Variants in PIWIL1 observed in about 807,000 individuals in gnomAD.
The protein encoded by PIWIL1 is piwi-like protein 1.
PIWIL1 carries 73 observed loss-of-function variants against 114.4 expected under a neutral mutation model. The observed-to-expected ratio is 0.64, with a 90% CI of 0.53 to 0.78. PIWIL1 has a LOEUF of 0.78. PIWIL1 is among the 30% of genes least tolerant of loss of function. PIWIL1 has a pLI of 0.00. For synonymous variants in PIWIL1, 375 were observed against 369.0 expected, an observed-to-expected ratio of 1.02 and a Z score of -0.19; for missense variants, 723 against 1,063.1, an observed-to-expected ratio of 0.68 and a Z score of 4.45.
At chr12:130,370,244 G>A (rs1490498260) in intron 19 of PIWIL1, among the ~76,000 whole-genome samples, 16 of 143,674 alleles carry the variant, frequency 1.1e-4, no homozygotes, top group African/African-American at 1.0e-4. Context: ...CCAAGAAAAT[G>A]AAAAAAAAAA....
chr12:130,362,234 A>AC (rs1403877976), intron 16 of PIWIL1, among the ~76,000 whole-genome samples: 2 of 151,656 alleles, frequency 1.3e-5, no homozygotes, highest in African/African-American at 4.8e-5. Context: ...CCCACCTTCC[A>AC]CCCCCAAGTA....
Position 130,342,615 on chromosome 12 carries a change from A to G in PIWIL1, c.24A>G (p.Arg8=). MTGRARA[R]ARGRARGQET... is the part of the protein sequence containing the mutation. ...CAATGACTGGGAGAGCCCGAGCCAG[A>G]GCCAGAGGAAGGGCCCGCGGTCAGG... The change falls in exon 2 of 21, where the codon AGA becomes AGG. Residue 8 remains arginine, a synonymous_variant. Coordinates refer to ENST00000245255, the MANE Select transcript of PIWIL1 (RefSeq NM_004764.5). 1 of 1,613,956 alleles carries G rather than the reference A, an allele frequency of 6.2e-7. No homozygotes were observed. Among genetic ancestry groups the G allele is most frequent in the Non-Finnish European group, 8.5e-7 (1 of 1,179,850 alleles).
chr12:130,386,249 C>G, the PIWIL1 span, among the ~76,000 whole-genome samples: 32 of 152,180 alleles, frequency 2.1e-4, no homozygotes, highest in Admixed American at 1.8e-3. Context: ...CCTTGTTTTA[C>G]AAGAGTTTAT....
In PIWIL1 at chr12:130,338,151, G is replaced by C. The variant is rs1455383396; in HGVS notation, c.-13+5G>C. The C allele has an allele frequency of 9.3e-6, 3 of 321,860 alleles. No homozygotes were observed. In the East Asian group the frequency reaches 3.6e-4, roughly 39 times the overall value. The allele number at this position is 321,860 out of a possible 1,614,324, so 19.9% of individuals were successfully genotyped here. A position where few individuals can be genotyped will look rare whatever the true frequency, so the allele number is the denominator to read the frequency against. ...GGGCGAGGGCAGCGGTCCAAGGTGC[G>C]GGGCCAGGCTGAGGTGCTAGGTGTG... On this transcript the variant is annotated splice_donor_5th_base_variant and intron_variant, in intron 1 of 20. Transcript: ENST00000245255.
the PIWIL1 span, chr12:130,414,197 G>A: frequency 6.2e-7 from 1 of 1,614,204 alleles, no homozygotes; most frequent in Non-Finnish European, 8.5e-7. Context: ...TGGTGAGCGG[G>A]TCGTAGTCAA....
the PIWIL1 span, among the ~76,000 whole-genome samples, chr12:130,390,140 G>A: frequency 1.1e-3 from 171 of 152,238 alleles, no homozygotes; most frequent in African/African-American, 4.1e-3. Context: ...TTTTAGTTTT[G>A]TAACAAGTTT....
intron 9 of PIWIL1, chr12:130,351,642 G>A (rs938838099): frequency 6.6e-6 from 1 of 152,126 alleles, no homozygotes; most frequent in Non-Finnish European, 1.5e-5. Context: ...AGGTTCTTGG[G>A]TATTTGAATA....
intron 9 of PIWIL1, among the ~76,000 whole-genome samples, chr12:130,354,300 C>A (rs1312040609): frequency 6.6e-6 from 1 of 152,088 alleles, no homozygotes; most frequent in African/African-American, 2.4e-5. Flanking sequence ...ACCATACTGT[C>A]CTGGACCATC....
chr12:130,371,364 A>C (rs2073812547), intron 20 of PIWIL1, 41 bp downstream of exon 20: 4 of 1,612,966 alleles, frequency 2.5e-6, no homozygotes, highest in Non-Finnish European at 3.4e-6. Context: ...AATAAAGGAC[A>C]TTCACTTTTC....
chr12:130,413,993 C>T, the PIWIL1 span: 8,029 of 951,540 alleles, frequency 8.4e-3, 448 homozygotes, highest in African/African-American at 0.12. Context: ...CATGCCACCT[C>T]CTCCCGTGCC....
At chr12:130,344,277 GTAGT>G (rs2073008313) in intron 3 of PIWIL1, among the ~76,000 whole-genome samples, 1 of 152,102 alleles carries the variant, frequency 6.6e-6, no homozygotes, top group African/African-American at 2.4e-5. Context: ...GTGATTTAGT[GTAGT>G]TACTCACCCA....
Position 130,371,203 on chromosome 12 carries a change from T to A in PIWIL1, c.2349T>A (p.Ala783=), listed in dbSNP as rs2073808456. 6.2e-7 allele frequency: 1 copy of A among 1,614,242 alleles called. No homozygotes were observed. Among genetic ancestry groups the A allele is most frequent in the African/African-American group, 1.3e-5 (1 of 75,074 alleles). ...EWYDFFIVSQ[A]VRSGSVSPTH... ...ATGACTTTTTTATCGTGAGCCAGGC[T>A]GTGAGAAGTGGTAGTGTTTCTCCCA... is the stretch of plus-strand genomic sequence containing the variant. Residue 783 remains alanine (A), a synonymous_variant, in exon 20 of 21, where the codon GCT becomes GCA. Transcript: ENST00000245255.
chr12:130,421,777 G>A, the PIWIL1 span, among the ~76,000 whole-genome samples: 2 of 151,600 alleles, frequency 1.3e-5, no homozygotes, highest in African/African-American at 2.4e-5. Flanking sequence ...ATTATCTTGT[G>A]CATAATACTT....
At chr12:130,350,075 A>T (rs185229158) in intron 9 of PIWIL1, 108 bp downstream of exon 9, 2 of 618,744 alleles carry the variant, frequency 3.2e-6, no homozygotes, top group Admixed American at 6.3e-5. Context: ...CTGTGTGTAA[A>T]TGTATTTGTT....
the PIWIL1 span, among the ~76,000 whole-genome samples, chr12:130,420,697 T>C: frequency 6.6e-6 from 1 of 152,072 alleles, no homozygotes; most frequent in African/African-American, 2.4e-5. The surrounding 1 kb of genome is among the most constrained non-coding windows in gnomAD (Gnocchi z 4.3). Flanking sequence ...TTTAAGCCAA[T>C]ATTGAGTCTA....
chr12:130,354,379 T>TA (rs199739563), intron 9 of PIWIL1, among the ~76,000 whole-genome samples, 158 bp from the exon 10 acceptor site: 25 of 152,068 alleles, frequency 1.6e-4, no homozygotes, highest in Admixed American at 2.0e-4. Context: ...TTAAGAATGT[T>TA]AAAAAAAATG....
the PIWIL1 span, among the ~76,000 whole-genome samples, chr12:130,401,493 C>T: frequency 1.3e-5 from 2 of 151,874 alleles, no homozygotes; most frequent in African/African-American, 4.8e-5. Context: ...CTGCATCTTC[C>T]TGTTCAGCAA....
rs192191150 is a variant in PIWIL1, at chr12:130,345,675, T to C, written c.191-78T>C. The C allele has an allele frequency of 2.1e-3, 3,108 of 1,478,690 alleles. 9 individuals carry two copies. The highest frequency in any genetic ancestry group is 2.7e-3 in the Non-Finnish European group (2,905 of 1,062,262). 91.6% of individuals were successfully genotyped at this position (1,478,690 alleles called of 1,614,324 possible). On this transcript the variant is annotated intron_variant, in intron 3 of 20. Coordinates refer to ENST00000245255, the MANE Select transcript of PIWIL1 (RefSeq NM_004764.5). ...ACCTCAGTATCCTTTGGATTACACA[T>C]AATAGCACTATGGGAGTTAATATTG...
chr12:130,411,244 T>C, the PIWIL1 span, among the ~76,000 whole-genome samples: 83 of 152,260 alleles, frequency 5.5e-4, no homozygotes, highest in African/African-American at 1.8e-3. Flanking sequence ...GGAACTTTTT[T>C]ATCCTTTGAG....
Sources: allele counts gnomAD v4.1 joint callset (sites outside exome capture counted in the v4.1 genomes callset), GRCh38; gene constraint gnomAD v4.1.1; non-coding constraint Gnocchi (gnomAD v3.1); transcripts MANE v1.5; gene names NCBI Gene and HGNC (gene_info 2026-07-23, HGNC 2026-07-21).